The following TRPM7 variants were observed in gnomAD, a reference collection of about 807,000 sequenced individuals.
TRPM7 encodes the protein LTRPC ion channel family member 7.
A neutral mutation model predicts 229.7 loss-of-function variants in TRPM7; 134 were observed. The observed-to-expected ratio is 0.58, with a 90% CI of 0.51 to 0.67. The LOEUF (loss-of-function observed/expected upper bound fraction) is 0.67. Among genes scored for constraint, TRPM7 ranks in the 30% least tolerant of loss-of-function variants. The pLI is 0.00. For synonymous variants in TRPM7, 699 were observed against 715.2 expected (o/e 0.98, Z 0.36); for missense variants, 1,901 against 2,210.0 (o/e 0.86, Z 2.80).
intron 3 of TRPM7, among the ~76,000 whole-genome samples, chr15:50,652,115 T>C (rs1596309146): frequency 6.6e-6 from 1 of 151,274 alleles, no homozygotes; most frequent in African/African-American, 2.4e-5. Flanking sequence ...GGTGGACCAC[T>C]TGAGGTCAGG....
At chr15:50,625,466 T>TG (rs2060529680) in intron 11 of TRPM7, among the ~76,000 whole-genome samples, 1 of 152,166 alleles carries the variant, frequency 6.6e-6, no homozygotes, top group Non-Finnish European at 1.5e-5. Flanking sequence ...TGTCACCCAG[T>TG]GGCACAATCA....
chr15:50,603,208 TATA>T (rs952211860), intron 21 of TRPM7, among the ~76,000 whole-genome samples: 3 of 152,088 alleles, frequency 2.0e-5, no homozygotes, highest in African/African-American at 7.2e-5. Flanking sequence ...AAAGTGCAAA[TATA>T]ATAATTTATA....
At chr15:50,568,874 T>C (rs896543365) in intron 38 of TRPM7, among the ~76,000 whole-genome samples, 3 of 151,540 alleles carry the variant, frequency 2.0e-5, no homozygotes, top group Non-Finnish European at 2.9e-5. Flanking sequence ...TCCCAGCTAC[T>C]TGGGAGGCTG....
intron 12 of TRPM7, among the ~76,000 whole-genome samples, chr15:50,622,927 C>T (rs182935185): frequency 1.3e-5 from 2 of 152,112 alleles, no homozygotes; most frequent in Admixed American, 6.6e-5. Context: ...ATAATACCTA[C>T]TTCAAAGAAA....
rs2054496304 is a variant in TRPM7, at chr15:50,582,996, G to C, written c.4557+93C>G. 5.4e-6 allele frequency: 5 copies of C among 931,332 alleles called. No individual in the cohort carries two copies. In the Admixed American group the frequency reaches 1.6e-4, roughly 29 times the overall value. 57.7% of individuals were successfully genotyped at this position (931,332 alleles called of 1,614,324 possible). The stretch of plus-strand genomic sequence containing the variant: ...TTAAGAAAAATTTTTTTGAATTTTT[G>C]ATATAGTCCCAAATATCACCACTTT... On this transcript the variant is annotated intron_variant, in intron 29 of 38. Coordinates refer to ENST00000646667, the MANE Select transcript of TRPM7 (RefSeq NM_017672.6).
intron 38 of TRPM7, among the ~76,000 whole-genome samples, chr15:50,568,787 T>G (rs2053734491): frequency 6.6e-6 from 1 of 151,754 alleles, no homozygotes; most frequent in African/African-American, 2.4e-5. Context: ...GCAGCCTGGG[T>G]GACATGGCAA....
Position 50,605,080 on chromosome 15 carries a change from T to C in TRPM7, c.2774A>G (p.Asn925Ser). Reference sequence around the variant, plus strand: ...AATTATGGCAATTGTATCACTGATGTTGAAGTAATCACTAAACCATACTTT... The same window carrying C: ...AATTATGGCAATTGTATCACTGATGCTGAAGTAATCACTAAACCATACTTT... The part of the protein sequence containing the change: ...KIKVWFSDYF[N>S]ISDTIAIISF... The change falls in exon 21 of 39, where the codon AAC (asparagine) becomes AGC (serine). Residue 925 changes from asparagine to serine, a missense_variant. By Grantham distance (46) the Asn-to-Ser change is conservative. Around this residue, in one of 8 missense-constraint regions of TRPM7, gnomAD observed 207 missense variants for 241.5 expected, o/e 0.86. Transcript: ENST00000646667. 1 of 1,613,622 alleles carries C rather than the reference T, an allele frequency of 6.2e-7. No individual in the cohort carries two copies. Among genetic ancestry groups the C allele is most frequent in the Non-Finnish European group, 8.5e-7 (1 of 1,179,764 alleles).
chr15:50,677,589 AT>A (rs1158074944), intron 1 of TRPM7, among the ~76,000 whole-genome samples: 2 of 151,620 alleles, frequency 1.3e-5, no homozygotes, highest in African/African-American at 4.8e-5. Context: ...AAACACAAAA[AT>A]TAGCCGGGTG....
At chr15:50,578,303 G>A (rs891367030) in intron 31 of TRPM7, among the ~76,000 whole-genome samples, 1 of 152,216 alleles carries the variant, frequency 6.6e-6, no homozygotes, top group East Asian at 1.9e-4. Flanking sequence ...ATAGGACTTT[G>A]TGAGTACAAA....
rs148567000 is a variant in TRPM7 at position 50,621,787 on chromosome 15, T to C, written c.1441-1989A>G. Among the ~76,000 whole-genome samples the C allele has an allele frequency of 1.4e-4, 21 of 152,276 alleles. No individual in the cohort carries two copies. In the East Asian group the frequency reaches 4.0e-3, roughly 29 times the overall value. The stretch of plus-strand genomic sequence containing the variant: ...GGCTCATGCTTGTAATCCCAGCACT[T>C]TGGGAGGTCGAGGCAGTGGATCACC... On this transcript the variant is annotated intron_variant, in intron 12 of 38. Transcript: ENST00000646667.
chr15:50,667,809 T>C (rs1031217126), intron 1 of TRPM7, among the ~76,000 whole-genome samples: 6 of 152,350 alleles, frequency 3.9e-5, no homozygotes, highest in African/African-American at 1.2e-4. Flanking sequence ...AATAATGCAC[T>C]AGTCCAACAG....
Position 50,686,630 on chromosome 15 carries a change from G to A in TRPM7, c.-97C>T. On this transcript the variant is annotated 5_prime_UTR_variant, in exon 1 of 39. Coordinates refer to ENST00000646667, the MANE Select transcript of TRPM7 (RefSeq NM_017672.6). The stretch of plus-strand genomic sequence containing the variant: ...TCGGGAAGCGTCTCCGGAGGCGGCA[G>A]CAGAGGCCGCCGGACAAGGAACGCC... The A allele has an allele frequency of 6.5e-7, 1 of 1,527,754 alleles. No individual in the cohort carries two copies. Among genetic ancestry groups the A allele is most frequent in the Non-Finnish European group, 8.8e-7 (1 of 1,133,876 alleles). 94.6% of individuals were successfully genotyped at this position (1,527,754 alleles called of 1,614,324 possible).
intron 12 of TRPM7, among the ~76,000 whole-genome samples, chr15:50,622,834 C>T (rs1483917448): frequency 6.6e-6 from 1 of 151,838 alleles, no homozygotes; most frequent in Non-Finnish European, 1.5e-5. Context: ...TGCAGTGAGC[C>T]CAGATCGTGC....
intron 30 of TRPM7, 110 bp downstream of exon 30, chr15:50,580,764 A>C (rs1410360497): frequency 1.0e-6 from 1 of 964,260 alleles, no homozygotes; most frequent in African/African-American, 1.6e-5. Context: ...AGAATAAATA[A>C]TCATCACTCA....
At chr15:50,582,528 G>A (rs1213128100) in intron 29 of TRPM7, 4 of 152,082 alleles carry the variant, frequency 2.6e-5, no homozygotes, top group Non-Finnish European at 5.9e-5. Context: ...TGCAGCTCAG[G>A]GTCAGGAAGA....
intron 1 of TRPM7, among the ~76,000 whole-genome samples, chr15:50,682,173 C>CAAAAAAAAAAAAAAAA (rs34590459): frequency 0.012 from 751 of 63,470 alleles, 60 homozygotes; most frequent in South Asian, 0.016. Context: ...AACTCAGTCT[C>CAAAAAAAAAAAAAAAA]AAAAAAAAAA....
chr15:50,587,155 A>G (rs2059364770), intron 27 of TRPM7, among the ~76,000 whole-genome samples: 1 of 152,186 alleles, frequency 6.6e-6, no homozygotes, highest in South Asian at 2.1e-4. Flanking sequence ...ATCTTGACAC[A>G]CTGATAACAT....
chr15:50,630,553 T>C (rs2060701232), intron 10 of TRPM7, among the ~76,000 whole-genome samples: 1 of 152,334 alleles, frequency 6.6e-6, no homozygotes, highest in African/African-American at 2.4e-5. Flanking sequence ...TCCTAAAAGA[T>C]ACCACTAGTT....
intron 1 of TRPM7, among the ~76,000 whole-genome samples, chr15:50,667,904 G>C (rs2061919435): frequency 6.6e-6 from 1 of 152,152 alleles, no homozygotes; most frequent in African/African-American, 2.4e-5. Context: ...GGTTGCATTT[G>C]TATAAATATG....
Sources: gnomAD v4.1 joint callset for allele counts (sites outside exome capture counted in the v4.1 genomes callset) on GRCh38, gnomAD v4.1.1 for gene constraint, gnomAD v4.1.1 regional missense constraint, MANE v1.5 for transcripts, NCBI Gene and HGNC (gene_info 2026-07-23, HGNC 2026-07-21) for gene names.